Variants in ITPR2 observed in about 807,000 individuals in gnomAD.
ITPR2 encodes inositol 1,4,5-trisphosphate receptor type 2.
ITPR2 carries 207 observed loss-of-function variants against 317.1 expected under a neutral mutation model. The observed-to-expected ratio is 0.65, with a 90% CI of 0.58 to 0.73. The LOEUF (loss-of-function observed/expected upper bound fraction) is 0.73, where lower values mean the gene tolerates loss of function less well. Among genes scored for constraint, ITPR2 ranks in the 30% least tolerant of loss-of-function variants. ITPR2 has a pLI of 0.00. For synonymous variants in ITPR2, 1,156 were observed against 1,149.1 expected (o/e 1.01, Z -0.12); for missense variants, 2,613 against 3,284.0 (o/e 0.80, Z 4.99).
At chr12:26,473,978 C>A (rs1449253043) in intron 45 of ITPR2, among the ~76,000 whole-genome samples, 3 of 152,126 alleles carry the variant, frequency 2.0e-5, no homozygotes, top group African/African-American at 7.2e-5. Flanking sequence ...TATGAGAGAC[C>A]TTAAAATATT....
At chr12:26,475,822 C>G (rs927672871) in intron 44 of ITPR2, among the ~76,000 whole-genome samples, 1 of 152,122 alleles carries the variant, frequency 6.6e-6, no homozygotes, top group Admixed American at 6.5e-5. Context: ...GGAGAGTCAG[C>G]AAGCAAGGAG....
chr12:26,510,754 G>A (rs1943323632), intron 37 of ITPR2, among the ~76,000 whole-genome samples: 1 of 152,202 alleles, frequency 6.6e-6, no homozygotes, highest in Admixed American at 6.5e-5. Context: ...TATCAGGGCA[G>A]TTTCACAAAT....
chr12:26,356,854 T>C (rs144230689), intron 55 of ITPR2, among the ~76,000 whole-genome samples: 3 of 152,348 alleles, frequency 2.0e-5, no homozygotes, highest in Non-Finnish European at 4.4e-5. Context: ...GCTCATTTTA[T>C]ACATTTTTTC....
intron 36 of ITPR2, among the ~76,000 whole-genome samples, chr12:26,551,904 T>A (rs1182140003): frequency 6.6e-6 from 1 of 151,798 alleles, no homozygotes; most frequent in East Asian, 1.9e-4. Context: ...ACCTCAAGAG[T>A]CTGGAATGTT....
chr12:26,516,300 A>AGGAAAGGAAAGGAAGGGAAAGGAAG (rs1943508409), intron 37 of ITPR2, among the ~76,000 whole-genome samples: 1 of 67,398 alleles, frequency 1.5e-5, no homozygotes, highest in African/African-American at 4.8e-5. Flanking sequence ...AGGAAAGGAA[A>AGGAAAGGAAAGGAAGGGAAAGGAAG]GGAAAGGAAA....
At chr12:26,374,976 C>T (rs536278933) in intron 55 of ITPR2, among the ~76,000 whole-genome samples, 2 of 152,328 alleles carry the variant, frequency 1.3e-5, no homozygotes, top group South Asian at 2.1e-4. Context: ...AGCTTAATTG[C>T]CATCTTAACT....
chr12:26,832,427 C>A (rs1042881073), intron 1 of ITPR2, among the ~76,000 whole-genome samples: 5 of 152,270 alleles, frequency 3.3e-5, no homozygotes, highest in Non-Finnish European at 7.3e-5. Context: ...GGCCCGTCTC[C>A]GGGCTTCTGA....
intron 45 of ITPR2, among the ~76,000 whole-genome samples, chr12:26,449,026 G>T (rs900391046): frequency 6.6e-5 from 10 of 151,664 alleles, no homozygotes; most frequent in Admixed American, 6.6e-4. Flanking sequence ...TTATCACTAG[G>T]ATTTTAATCT....
chr12:26,756,593 T>A (rs1056226890), intron 2 of ITPR2, among the ~76,000 whole-genome samples: 4 of 152,236 alleles, frequency 2.6e-5, no homozygotes, highest in African/African-American at 9.6e-5. Flanking sequence ...TTGCCTCTTG[T>A]CGGAACTCAA....
chr12:26,825,440 G>T (rs1320987120), intron 1 of ITPR2, among the ~76,000 whole-genome samples: 1 of 151,966 alleles, frequency 6.6e-6, no homozygotes, highest in Non-Finnish European at 1.5e-5. Context: ...TGGAATTTAA[G>T]TTTTAAAGTT....
chr12:26,655,684 C>T, intron 20 of ITPR2, 24 bp downstream of exon 20: 2 of 1,595,828 alleles, frequency 1.3e-6, no homozygotes, highest in South Asian at 2.2e-5. Flanking sequence ...CCAAAACATC[C>T]TAAATATTAG....
intron 2 of ITPR2, among the ~76,000 whole-genome samples, chr12:26,743,362 A>G (rs1379546977): frequency 2.0e-5 from 3 of 152,154 alleles, no homozygotes; most frequent in South Asian, 2.1e-4. Context: ...ATATGTTTAT[A>G]TATACATACA....
At chr12:26,499,157 C>A (rs1259892217) in intron 37 of ITPR2, among the ~76,000 whole-genome samples, 4 of 152,074 alleles carry the variant, frequency 2.6e-5, no homozygotes, top group Admixed American at 2.6e-4. Context: ...GAAAACCAAC[C>A]AAAGAGTAGA....
intron 55 of ITPR2, among the ~76,000 whole-genome samples, chr12:26,351,430 G>T (rs1938481890): frequency 6.6e-6 from 1 of 152,244 alleles, no homozygotes. Context: ...TTTTCCTACA[G>T]AAATGTCAAG....
intron 53 of ITPR2, 97 bp from the exon 54 acceptor site, chr12:26,399,138 T>C: frequency 1.1e-6 from 1 of 877,864 alleles, no homozygotes; most frequent in Non-Finnish European, 1.6e-6. Flanking sequence ...GTGAAATGAA[T>C]ATAAATAGTA....
Position 26,628,259 on chromosome 12 carries a change from T to G in ITPR2, c.2935-97A>C. Reference sequence around the variant, plus strand: ...ACCAATAACAGTGGAAGTACCAACCTTTCAAAGGAACTAGTTAGAAGCTTT... The same window carrying G: ...ACCAATAACAGTGGAAGTACCAACCGTTCAAAGGAACTAGTTAGAAGCTTT... On this transcript the variant is annotated intron_variant, in intron 22 of 56. Transcript: ENST00000381340. 1.7e-5 allele frequency: 15 copies of G among 883,138 alleles called. No individual in the cohort carries two copies. The South Asian group carries it at 3.1e-4, about 18-fold the overall frequency. 54.7% of individuals were successfully genotyped at this position (883,138 alleles called of 1,614,324 possible). A position where few individuals can be genotyped will look rare whatever the true frequency, so the allele number is the denominator to read the frequency against.
intron 55 of ITPR2, among the ~76,000 whole-genome samples, chr12:26,344,790 T>G (rs200440862): frequency 2.0e-5 from 3 of 152,198 alleles, no homozygotes; most frequent in Non-Finnish European, 2.9e-5. Context: ...GAACATATAG[T>G]TCATAGGTGG....
intron 35 of ITPR2, among the ~76,000 whole-genome samples, chr12:26,559,349 A>C (rs753578302): frequency 6.6e-6 from 1 of 152,252 alleles, no homozygotes; most frequent in Non-Finnish European, 1.5e-5. Context: ...CTTATGAACA[A>C]CAGAAATTAT....
At chr12:26,783,004 A>T (rs1251914803) in intron 2 of ITPR2, among the ~76,000 whole-genome samples, 1 of 152,250 alleles carries the variant, frequency 6.6e-6, no homozygotes, top group African/African-American at 2.4e-5. Flanking sequence ...ACTTTCATTT[A>T]TACACATGAG....
Sources: gnomAD v4.1 joint callset for allele counts (sites outside exome capture counted in the v4.1 genomes callset) on GRCh38, gnomAD v4.1.1 for gene constraint, MANE v1.5 for transcripts, NCBI Gene and HGNC (gene_info 2026-07-23, HGNC 2026-07-21) for gene names.